RAB11FIP4: variants seen among roughly 807,000 people sequenced by gnomAD.
RAB11FIP4 encodes RAB11 family interacting protein 4.
In RAB11FIP4, 23 loss-of-function variants were observed where a neutral mutation model predicts 74.3. The observed-to-expected ratio is 0.31, with a 90% confidence interval of 0.22 to 0.44. The LOEUF (loss-of-function observed/expected upper bound fraction) is 0.44. Among genes scored for constraint, RAB11FIP4 ranks in the 20% least tolerant of loss-of-function variants. The pLI is 1.00. For synonymous variants in RAB11FIP4, 360 were observed against 359.9 expected, an observed-to-expected ratio of 1.00 and a Z score of 0.00; for missense variants, 630 against 863.9, an observed-to-expected ratio of 0.73 and a Z score of 3.39.
At position 31,517,986 on chromosome 17, in the gene RAB11FIP4, A is replaced by G. The variant is rs550263325; in HGVS notation, c.563+109A>G. 2.2e-4 allele frequency: 183 copies of G among 820,568 alleles called. No homozygotes were observed. The East Asian group carries it at 4.6e-3, about 21-fold the overall frequency. The allele number at this position is 820,568 out of a possible 1,614,324, so 50.8% of individuals were successfully genotyped here. On this transcript the variant is annotated intron_variant, in intron 4 of 14. Transcript: ENST00000621161. ...TTGAAACATGCTCAAAATTTGTATC[A>G]GAGGCATTAGTGTCATGGGTATTCT... is the stretch of plus-strand genomic sequence containing the variant.
At chr17:31,528,352 T>C (rs936421328) in intron 11 of RAB11FIP4, 54 bp from the exon 12 acceptor site, 27 of 1,582,588 alleles carry the variant, frequency 1.7e-5, no homozygotes, top group Middle Eastern at 1.7e-4. Context: ...CCCCTGGACA[T>C]AGTGAGCCCC....
intron 3 of RAB11FIP4, among the ~76,000 whole-genome samples, chr17:31,505,717 A>G (rs2072336214): frequency 8.5e-6 from 1 of 118,076 alleles, no homozygotes; most frequent in South Asian, 2.2e-4. Flanking sequence ...TATTAATAAT[A>G]TTATTATTAC....
chr17:31,493,256 G>A (rs556394383), intron 3 of RAB11FIP4, among the ~76,000 whole-genome samples: 36 of 152,328 alleles, frequency 2.4e-4, no homozygotes, highest in African/African-American at 7.7e-4. Flanking sequence ...TGAAAACAAA[G>A]CTCTGTAGAA....
chr17:31,432,692 C>T (rs1006042658), intron 2 of RAB11FIP4, among the ~76,000 whole-genome samples: 4 of 152,184 alleles, frequency 2.6e-5, no homozygotes, highest in Non-Finnish European at 5.9e-5. Context: ...TAATTCCTGC[C>T]TTTCTTCCTT....
intron 1 of RAB11FIP4, among the ~76,000 whole-genome samples, chr17:31,414,983 C>T (rs982647298): frequency 6.6e-6 from 1 of 152,210 alleles, no homozygotes; most frequent in African/African-American, 2.4e-5. Flanking sequence ...ATTGAGCTTC[C>T]CAGCGTTGAC....
At chr17:31,441,791 G>A (rs984181963) in intron 3 of RAB11FIP4, among the ~76,000 whole-genome samples, 3 of 152,052 alleles carry the variant, frequency 2.0e-5, no homozygotes, top group Admixed American at 6.6e-5. Context: ...GCTTCCCAAG[G>A]TGCTAGGATT....
At chr17:31,501,835 G>T in intron 3 of RAB11FIP4, 1 of 161,516 alleles carries the variant, frequency 6.2e-6, no homozygotes, top group Non-Finnish European at 1.4e-5. Flanking sequence ...TAAGTACTAT[G>T]CTGAAAGTGA....
chr17:31,474,839 G>A (rs537902877), intron 3 of RAB11FIP4, among the ~76,000 whole-genome samples: 455 of 140,046 alleles, frequency 3.2e-3, no homozygotes, highest in Non-Finnish European at 5.3e-3. Context: ...GCGAAACACT[G>A]TCTCAAAAAA....
chr17:31,526,668 G>C (rs944636177), intron 10 of RAB11FIP4: 1 of 152,376 alleles, frequency 6.6e-6, no homozygotes, highest in Non-Finnish European at 1.5e-5. Context: ...ACCTGAGGCC[G>C]GGCACAGTGG....
At chr17:31,428,813 G>A (rs1031862853) in intron 1 of RAB11FIP4, among the ~76,000 whole-genome samples, 37 of 152,008 alleles carry the variant, frequency 2.4e-4, no homozygotes, top group African/African-American at 8.5e-4. Context: ...GCGTGGTGGC[G>A]TGCCTGTAGT....
At chr17:31,504,784 T>G (rs1320281941) in intron 3 of RAB11FIP4, among the ~76,000 whole-genome samples, 1 of 152,188 alleles carries the variant, frequency 6.6e-6, no homozygotes, top group East Asian at 1.9e-4. Context: ...GGTGGTGGTT[T>G]GTTTGTTTGA....
At chr17:31,474,438 G>A (rs1395932565) in intron 3 of RAB11FIP4, among the ~76,000 whole-genome samples, 2 of 152,110 alleles carry the variant, frequency 1.3e-5, no homozygotes, top group Admixed American at 6.6e-5. Context: ...TTGGGAGGCC[G>A]AGGAGGGTGG....
intron 1 of RAB11FIP4, among the ~76,000 whole-genome samples, chr17:31,396,214 AAAAG>A (rs146448694): frequency 0.45 from 66,587 of 149,444 alleles, 18,254 homozygotes; most frequent in Non-Finnish European, 0.61. Context: ...AAAAGAAAAG[AAAAG>A]AAAGAAATGC....
intron 1 of RAB11FIP4, among the ~76,000 whole-genome samples, chr17:31,397,932 G>A (rs1192748619): frequency 6.6e-6 from 1 of 151,872 alleles, no homozygotes; most frequent in Non-Finnish European, 1.5e-5. Context: ...CTGGAGTTCA[G>A]GGGTGCATCA....
At chr17:31,451,938 C>T (rs1203345350) in intron 3 of RAB11FIP4, among the ~76,000 whole-genome samples, 1 of 151,964 alleles carries the variant, frequency 6.6e-6, no homozygotes, top group African/African-American at 2.4e-5. Context: ...TTTTGGGATA[C>T]ATGTGATATT....
At chr17:31,439,835 G>T (rs1422366071) in intron 3 of RAB11FIP4, among the ~76,000 whole-genome samples, 1 of 152,076 alleles carries the variant, frequency 6.6e-6, no homozygotes, top group African/African-American at 2.4e-5. Context: ...ACAGGGTTTT[G>T]CATGTTGCTC....
rs2072707332 is a variant in RAB11FIP4 at position 31,523,526 on chromosome 17, G to A, written c.944G>A (p.Ser315Asn). The part of the protein sequence containing the change: ...STAFGRQLMH[S>N]SNFSSSNGST... ...CACCCCTGCAGGCAGCTCATGCACAGCAGCAACTTCAGCAGCAGCAATGGC... is the reference window on the plus strand; with the variant it reads ...CACCCCTGCAGGCAGCTCATGCACAACAGCAACTTCAGCAGCAGCAATGGC... The change falls in exon 8 of 15, where the codon AGC becomes AAC. Residue 315 changes from serine (S) to asparagine (N), a missense_variant. Physicochemically the swap from Ser to Asn is conservative, Grantham distance 46. Coordinates refer to ENST00000621161, the MANE Select transcript of RAB11FIP4 (RefSeq NM_032932.6). 1.9e-6 allele frequency: 3 copies of A among 1,613,976 alleles called. No individual in the cohort carries two copies. The highest frequency in any genetic ancestry group is 2.7e-5 in the African/African-American group (2 of 74,918).
intron 4 of RAB11FIP4, among the ~76,000 whole-genome samples, chr17:31,520,326 G>A (rs988186610): frequency 2.0e-5 from 3 of 151,996 alleles, no homozygotes; most frequent in African/African-American, 7.3e-5. Context: ...GGATGCCAAG[G>A]GATGACCATA....
At chr17:31,447,438 G>C (rs2071477995) in intron 3 of RAB11FIP4, among the ~76,000 whole-genome samples, 1 of 152,162 alleles carries the variant, frequency 6.6e-6, no homozygotes. Flanking sequence ...ACTCCAGCCT[G>C]GGCAACAGAG....
Sources: gnomAD v4.1 joint callset for allele counts (sites outside exome capture counted in the v4.1 genomes callset) on GRCh38, gnomAD v4.1.1 for gene constraint, MANE v1.5 for transcripts, NCBI Gene and HGNC (gene_info 2026-07-23, HGNC 2026-07-21) for gene names.